CYP51A1: variants seen among roughly 807,000 people sequenced by gnomAD.
CYP51A1 encodes the protein lanosterol 14-alpha demethylase.
CYP51A1 carries 45 observed loss-of-function variants against 53.5 expected under a neutral mutation model. The observed-to-expected ratio is 0.84, with a 90% CI of 0.66 to 1.08. CYP51A1 has a LOEUF of 1.08. Ranked by LOEUF, CYP51A1 falls within the 50% of genes least tolerant of loss-of-function variation. The pLI is 0.00. For synonymous variants in CYP51A1, 181 were observed against 217.7 expected, an observed-to-expected ratio of 0.83 and a Z score of 1.48; for missense variants, 462 against 621.7, an observed-to-expected ratio of 0.74 and a Z score of 2.73.
chr7:92,120,593 G>A (rs1240187088), intron 7 of CYP51A1, among the ~76,000 whole-genome samples: 1 of 152,054 alleles, frequency 6.6e-6, no homozygotes, highest in East Asian at 1.9e-4. Flanking sequence ...GGCTATAATA[G>A]ATTTTTTTAC....
At chr7:92,120,489 T>G (rs535064565) in intron 7 of CYP51A1, among the ~76,000 whole-genome samples, 55 of 152,372 alleles carry the variant, frequency 3.6e-4, no homozygotes, top group South Asian at 3.1e-3. Context: ...GGTTTCGCTA[T>G]GTTGCCCAGG....
At chr7:92,125,239 C>T (rs1819776414) in intron 5 of CYP51A1, among the ~76,000 whole-genome samples, 1 of 149,536 alleles carries the variant, frequency 6.7e-6, no homozygotes, top group African/African-American at 2.5e-5. Flanking sequence ...TATATGAAAA[C>T]ATTTTGAAAC....
chr7:92,117,219 A>C lies in CYP51A1; in HGVS notation c.1183-7T>G, dbSNP rs1323974386. 6.2e-7 allele frequency: 1 copy of C among 1,605,456 alleles called. No homozygotes were observed. Among genetic ancestry groups the C allele is most frequent in the Non-Finnish European group, 8.5e-7 (1 of 1,176,550 alleles). ...TGGTATACCCTGCCACAGTCTATAA[A>C]CAAAAGCCACACATTTCATTAGAGA... On this transcript the variant is annotated splice_polypyrimidine_tract_variant and splice_region_variant and intron_variant, in intron 8 of 9. Transcript: ENST00000003100.
upstream of CYP51A1, chr7:92,134,626 C>G (rs1584641622): frequency 4.3e-6 from 2 of 460,180 alleles, no homozygotes; most frequent in South Asian, 7.8e-5. Context: ...AAGCGGGCTG[C>G]GCCTGTGGCA....
chr7:92,130,283 A>G (rs4644173), intron 2 of CYP51A1, among the ~76,000 whole-genome samples: 68,298 of 152,022 alleles, frequency 0.45, 16,542 homozygotes, highest in African/African-American at 0.63. Flanking sequence ...TCTCTCACCT[A>G]TAAAATGGTA....
At chr7:92,117,286 A>G (rs1819598179) in intron 8 of CYP51A1, 74 bp from the exon 9 acceptor site, 3 of 1,335,846 alleles carry the variant, frequency 2.2e-6, no homozygotes, top group Non-Finnish European at 3.2e-6. Context: ...ATTGTGTAAT[A>G]AAGCATGAAT....
chr7:92,126,848 A>G (rs1819811209), intron 4 of CYP51A1, among the ~76,000 whole-genome samples: 1 of 152,258 alleles, frequency 6.6e-6, no homozygotes, highest in Non-Finnish European at 1.5e-5. Flanking sequence ...AAATGGAATT[A>G]CTGGCGATAT....
chr7:92,134,188 C>G lies in CYP51A1; in HGVS notation c.177G>C (p.Gln59His). The G allele has an allele frequency of 6.2e-7, 1 of 1,612,136 alleles. No homozygotes were observed. The highest frequency in any genetic ancestry group is 8.5e-7 in the Non-Finnish European group (1 of 1,179,706). ...ATGTACGTACCACCCCTGCGGGCAG[C>G]TGGACCAGGTGGCCGGCGGCCAGAC... ...LIRLAAGHLV[Q>H]LPAGVKSPPY... is the part of the protein sequence containing the mutation. Residue 59 changes from glutamine to histidine, a missense_variant, in exon 1 of 10, where the codon CAG becomes CAC. Transcript: ENST00000003100.
intron 3 of CYP51A1, among the ~76,000 whole-genome samples, chr7:92,128,136 C>T (rs1378040611): frequency 6.6e-6 from 1 of 152,200 alleles, no homozygotes; most frequent in Non-Finnish European, 1.5e-5. Context: ...AATCTCTAAA[C>T]AGCGCTTATG....
intron 4 of CYP51A1, among the ~76,000 whole-genome samples, chr7:92,126,637 C>G (rs761981151): frequency 4.0e-4 from 61 of 152,092 alleles, no homozygotes; most frequent in Non-Finnish European, 8.2e-4. Flanking sequence ...CAAAACAGAT[C>G]CCAGAAACAC....
intron 9 of CYP51A1, among the ~76,000 whole-genome samples, chr7:92,115,438 CAG>C (rs1359389646): frequency 2.0e-5 from 3 of 152,062 alleles, no homozygotes; most frequent in Admixed American, 6.5e-5. Context: ...CTGTTGAAGA[CAG>C]GGGTAGTAAT....
At chr7:92,131,658 G>C in intron 2 of CYP51A1, 116 bp downstream of exon 2, 1 of 589,206 alleles carries the variant, frequency 1.7e-6, no homozygotes, top group Non-Finnish European at 3.0e-6. Flanking sequence ...TTCCTATACT[G>C]AGGATATGTA....
chr7:92,133,748 G>A (rs1484799218), intron 1 of CYP51A1, among the ~76,000 whole-genome samples: 2 of 152,122 alleles, frequency 1.3e-5, no homozygotes, highest in Non-Finnish European at 2.9e-5. Context: ...GCTGCCAACA[G>A]CATCTCCGTC....
intron 3 of CYP51A1, among the ~76,000 whole-genome samples, chr7:92,128,428 C>CTGTGTGTGTGTGTGTGTG (rs1554479142): frequency 2.1e-5 from 3 of 143,044 alleles, no homozygotes; most frequent in East Asian, 2.0e-4. Flanking sequence ...TGGTTGGTTT[C>CTGTGTGTGTGTGTGTGTG]TGTGTGTGTG....
chr7:92,133,296 C>T (rs1032138265), intron 1 of CYP51A1, among the ~76,000 whole-genome samples: 10 of 151,112 alleles, frequency 6.6e-5, no homozygotes, highest in African/African-American at 2.2e-4. Context: ...ATTCTGTCGC[C>T]CAGACTGGAG....
rs1563180471 is a variant in CYP51A1, at chr7:92,126,362, T to C, written c.661A>G (p.Ile221Val). The C allele has an allele frequency of 6.2e-7, 1 of 1,613,742 alleles. No individual in the cohort carries two copies. The highest frequency in any genetic ancestry group is 8.5e-7 in the Non-Finnish European group (1 of 1,179,834). The change falls in exon 5 of 10, where the codon ATC (isoleucine) becomes GTC (valine). Residue 221 changes from isoleucine to valine, a missense_variant. Coordinates refer to ENST00000003100, the MANE Select transcript of CYP51A1 (RefSeq NM_000786.4). ...ACCTTTTCATTGAGTTGACTTCTGA[T>C]TTCCTTTCCATGCAAACAATGGCTA... Reference protein sequence around the residue: ...TASHCLHGKEIRSQLNEKVAQ... With the variant: ...TASHCLHGKEVRSQLNEKVAQ...
chr7:92,128,834 A>T, intron 3 of CYP51A1, 46 bp downstream of exon 3: 2 of 1,471,008 alleles, frequency 1.4e-6, no homozygotes, highest in Non-Finnish European at 1.9e-6. Flanking sequence ...AGCTATAACT[A>T]CTGAGGTATA....
chr7:92,121,943 T>G (rs183833026), intron 7 of CYP51A1, among the ~76,000 whole-genome samples: 23 of 152,342 alleles, frequency 1.5e-4, no homozygotes, highest in Admixed American at 1.4e-3. Flanking sequence ...GTGTACATTT[T>G]AAATGGATGG....
At chr7:92,117,292 T>A in intron 8 of CYP51A1, 80 bp from the exon 9 acceptor site, 1 of 1,211,920 alleles carries the variant, frequency 8.3e-7, no homozygotes, top group African/African-American at 1.5e-5. Context: ...TAATAAAGCA[T>A]GAATATACAT....
Sources: gnomAD v4.1 joint callset for allele counts (sites outside exome capture counted in the v4.1 genomes callset) on GRCh38, gnomAD v4.1.1 for gene constraint, MANE v1.5 for transcripts, NCBI Gene and HGNC (gene_info 2026-07-23, HGNC 2026-07-21) for gene names.